Variants in TMPRSS11F observed in about 807,000 individuals in gnomAD.
The protein encoded by TMPRSS11F is transmembrane protease serine 11F.
In TMPRSS11F, 47 loss-of-function variants were observed where a neutral mutation model predicts 60.2. That is an observed-to-expected ratio of 0.78 (90% CI 0.62 to 1.00). TMPRSS11F has a LOEUF of 1.00. Ranked by LOEUF, TMPRSS11F falls within the 50% of genes least tolerant of loss-of-function variation. TMPRSS11F has a pLI of 0.00. For missense variants in TMPRSS11F, 519 were observed against 522.9 expected, an observed-to-expected ratio of 0.99 and a Z score of 0.07; for synonymous variants, 166 against 167.3, an observed-to-expected ratio of 0.99 and a Z score of 0.06.
chr4:68,055,203 A>T (rs1723019473), intron 9 of TMPRSS11F, among the ~76,000 whole-genome samples: 1 of 152,220 alleles, frequency 6.6e-6, no homozygotes, highest in African/African-American at 2.4e-5. Context: ...AGACAAGTCC[A>T]TGTAGAGCCT....
intron 3 of TMPRSS11F, among the ~76,000 whole-genome samples, chr4:68,089,427 A>T (rs1468730139): frequency 6.6e-6 from 1 of 152,160 alleles, no homozygotes; most frequent in African/African-American, 2.4e-5. Flanking sequence ...CAGGAAACAT[A>T]AAGTTTTAGA....
intron 3 of TMPRSS11F, among the ~76,000 whole-genome samples, chr4:68,074,839 G>A (rs1436498764): frequency 6.6e-6 from 1 of 152,202 alleles, no homozygotes; most frequent in Admixed American, 6.5e-5. Flanking sequence ...GCTCACGCCT[G>A]TAATCCAAGC....
rs752732039 is a variant in TMPRSS11F, at chr4:68,068,607, G to T, written c.755+11C>A. On this transcript the variant is annotated intron_variant, in intron 7 of 9. Transcript: ENST00000356291. The stretch of plus-strand genomic sequence containing the variant: ...TGAAAAGAAGGCTCACAGCAGCCTT[G>T]GTTAACTTACTTCCAAAAGCAGTGA... The T allele has an allele frequency of 6.2e-7, 1 of 1,611,864 alleles. No homozygotes were observed. The highest frequency in any genetic ancestry group is 8.5e-7 in the Non-Finnish European group (1 of 1,178,054).
intron 7 of TMPRSS11F, among the ~76,000 whole-genome samples, chr4:68,065,804 GTGCTGCAC>G (rs1723314016): frequency 1.3e-5 from 2 of 150,842 alleles, no homozygotes; most frequent in Non-Finnish European, 3.0e-5. Context: ...GGTTTCCTAA[GTGCTGCAC>G]TGCCCTAAAA....
chr4:68,104,298 G>T (rs1185679461), intron 1 of TMPRSS11F, among the ~76,000 whole-genome samples: 1 of 152,086 alleles, frequency 6.6e-6, no homozygotes, highest in Non-Finnish European at 1.5e-5. Flanking sequence ...TTATTGGGTT[G>T]AGGAATTTCC....
chr4:68,085,636 TA>T (rs1560401195), intron 3 of TMPRSS11F, among the ~76,000 whole-genome samples: 1 of 152,248 alleles, frequency 6.6e-6, no homozygotes, highest in East Asian at 1.9e-4. Context: ...GCAAGTTGGA[TA>T]AAAACACAAG....
intron 1 of TMPRSS11F, among the ~76,000 whole-genome samples, chr4:68,103,576 A>C (rs758423303): frequency 6.6e-6 from 1 of 152,160 alleles, no homozygotes; most frequent in African/African-American, 2.4e-5. Flanking sequence ...TTGTAATACA[A>C]TTTTAAATCA....
chr4:68,065,782 T>A (rs62316510), intron 7 of TMPRSS11F, among the ~76,000 whole-genome samples: 13 of 113,178 alleles, frequency 1.1e-4, no homozygotes, highest in Non-Finnish European at 2.3e-4. Context: ...AAAAAAAACC[T>A]GAAAGATCAG....
intron 2 of TMPRSS11F, among the ~76,000 whole-genome samples, chr4:68,093,429 TA>T (rs1451706112): frequency 5.3e-5 from 8 of 152,076 alleles, no homozygotes; most frequent in Non-Finnish European, 1.0e-4. Flanking sequence ...ACATTAGACC[TA>T]AAACCATAAA....
chr4:68,099,007 G>C lies in TMPRSS11F; in HGVS notation c.43C>G (p.Arg15Gly). 6.2e-7 allele frequency: 1 copy of C among 1,612,440 alleles called. No individual in the cohort carries two copies. Among genetic ancestry groups the C allele is most frequent in the Middle Eastern group, 1.7e-4 (1 of 6,054 alleles). The change falls in exon 2 of 10, where the codon CGA becomes GGA. Residue 15 changes from arginine to glycine, a missense_variant. Physicochemically the swap from Arg to Gly is moderately radical, Grantham distance 125. Coordinates refer to ENST00000356291, the MANE Select transcript of TMPRSS11F (RefSeq NM_207407.2). ...TGCTGCTTTCTTTGATATTCAGCTC[G>C]TGAGAATTCAGCTTCTGAAAATTCA... is the stretch of plus-strand genomic sequence containing the variant. ...PVEFSEAEFS[R>G]AEYQRKQQFW...
In TMPRSS11F at chr4:68,062,745, CAA is replaced by C. The variant is rs1260518334; in HGVS notation, c.1015+1938_1015+1939del. ...AGCTGAAATAGGGTCACTTTGAAAA[CAA>C]AAGTTTCCTTGTATACTGGATTTGG... On this transcript the variant is annotated intron_variant, in intron 8 of 9. Coordinates refer to ENST00000356291, the MANE Select transcript of TMPRSS11F (RefSeq NM_207407.2). 4.0e-6 allele frequency: 3 copies of C among 742,578 alleles called. No homozygotes were observed. In the South Asian group the frequency reaches 4.0e-5, roughly 10 times the overall value. The allele number at this position is 742,578 out of a possible 1,614,324, so 46.0% of individuals were successfully genotyped here.
intron 3 of TMPRSS11F, among the ~76,000 whole-genome samples, chr4:68,086,853 T>G (rs1056398187): frequency 1.3e-5 from 2 of 152,116 alleles, no homozygotes; most frequent in African/African-American, 2.4e-5. Flanking sequence ...AGACCAATAA[T>G]GAGTTCTGAA....
Position 68,074,045 on chromosome 4 carries a change from T to G in TMPRSS11F, c.283-36A>C, listed in dbSNP as rs570555150. ...AAAAATAAGTATTAGTCTTCAGAAC[T>G]TAAAAGTAAAATAAAAAAATAATTT... On this transcript the variant is annotated intron_variant, in intron 3 of 9. Coordinates refer to ENST00000356291, the MANE Select transcript of TMPRSS11F (RefSeq NM_207407.2). The G allele has an allele frequency of 6.7e-5, 84 of 1,251,434 alleles. 1 individual carries two copies. The South Asian group carries it at 1.2e-3, about 18-fold the overall frequency. The allele number at this position is 1,251,434 out of a possible 1,614,324, so 77.5% of individuals were successfully genotyped here.
intron 1 of TMPRSS11F, among the ~76,000 whole-genome samples, chr4:68,107,941 T>TA (rs1047055888): frequency 2.0e-5 from 3 of 151,902 alleles, no homozygotes; most frequent in East Asian, 1.9e-4. Flanking sequence ...GTCTCAAATT[T>TA]AAAAAAAAGA....
At chr4:68,076,785 C>A (rs1723592900) in intron 3 of TMPRSS11F, among the ~76,000 whole-genome samples, 2 of 152,192 alleles carry the variant, frequency 1.3e-5, no homozygotes, top group South Asian at 4.1e-4. Flanking sequence ...CATGACTCCA[C>A]CAAAGGTACC....
chr4:68,091,259 C>T (rs1723924417), intron 2 of TMPRSS11F, among the ~76,000 whole-genome samples: 1 of 152,026 alleles, frequency 6.6e-6, no homozygotes. Context: ...CCCTGAAAAC[C>T]TATCTTTGGT....
intron 3 of TMPRSS11F, among the ~76,000 whole-genome samples, chr4:68,090,310 C>A (rs1723897880): frequency 6.6e-6 from 1 of 152,030 alleles, no homozygotes; most frequent in Admixed American, 6.6e-5. Flanking sequence ...TAGTTGCCTA[C>A]TCTAATCTAC....
chr4:68,126,500 T>G (rs1264923343), intron 1 of TMPRSS11F, among the ~76,000 whole-genome samples: 2 of 152,226 alleles, frequency 1.3e-5, no homozygotes, highest in Non-Finnish European at 2.9e-5. Context: ...CTCACAGGCC[T>G]TCTTTGAGAA....
At chr4:68,062,541 T>C in intron 8 of TMPRSS11F, 1 of 767,044 alleles carries the variant, frequency 1.3e-6, no homozygotes, top group Non-Finnish European at 2.4e-6. Flanking sequence ...GCTTATTGTA[T>C]TCATCGTGAC....
Sources: gnomAD v4.1 joint callset for allele counts (sites outside exome capture counted in the v4.1 genomes callset) on GRCh38, gnomAD v4.1.1 for gene constraint, MANE v1.5 for transcripts, NCBI Gene and HGNC (gene_info 2026-07-23, HGNC 2026-07-21) for gene names.